SGSH: variants seen among roughly 807,000 people sequenced by gnomAD.
SGSH encodes heparan sulfate sulfatase.
In SGSH, 48 loss-of-function variants were observed where a neutral mutation model predicts 51.0. The ratio of observed to expected loss-of-function variants is 0.94; its 90% CI spans 0.75 to 1.20. The LOEUF (loss-of-function observed/expected upper bound fraction) is 1.20, where lower values mean the gene tolerates loss of function less well. SGSH is among the 50% of genes most tolerant of loss of function. SGSH has a pLI of 0.00. For missense variants in SGSH, 662 were observed against 717.8 expected, an observed-to-expected ratio of 0.92 and a Z score of 0.89; for synonymous variants, 321 against 313.4, an observed-to-expected ratio of 1.02 and a Z score of -0.26.
downstream of SGSH, chr17:80,205,592 A>G (rs1355705178): frequency 6.6e-7 from 1 of 1,526,114 alleles, no homozygotes; most frequent in South Asian, 1.2e-5. Flanking sequence ...TCCAGGAGGG[A>G]GAGGTGTCCG....
At chr17:80,205,283 C>G, downstream of SGSH, 1 of 1,316,462 alleles carries the variant, frequency 7.6e-7, no homozygotes. Flanking sequence ...TCCTTCCTCC[C>G]CTTCCTCCCT....
downstream of SGSH, chr17:80,208,118 C>T (rs545159633): frequency 3.9e-5 from 59 of 1,502,044 alleles, no homozygotes; most frequent in East Asian, 1.0e-4. Flanking sequence ...GCCCGCCCCC[C>T]CCAACTCTGG....
chr17:80,213,998 G>A lies in SGSH; in HGVS notation c.664-113C>T, dbSNP rs941825478. On this transcript the variant is annotated intron_variant, in intron 5 of 7. Coordinates refer to ENST00000326317, the MANE Select transcript of SGSH (RefSeq NM_000199.5). This position sits in a 1 kb window ranked among gnomAD's most constrained non-coding sequence, Gnocchi z 4.6. ...GTTAGCCCAGAACAGCCTCACTCCGGACCACCCCGTCTCTCTACGGTTCTC... is the reference window on the plus strand; with the variant it reads ...GTTAGCCCAGAACAGCCTCACTCCGAACCACCCCGTCTCTCTACGGTTCTC... 6 of 1,315,078 alleles carry A rather than the reference G, an allele frequency of 4.6e-6. No individual in the cohort carries two copies. Among genetic ancestry groups the A allele is most frequent in the African/African-American group, 2.9e-5 (2 of 68,894 alleles). The allele number at this position is 1,315,078 out of a possible 1,614,324, so 81.5% of individuals were successfully genotyped here.
At chr17:80,204,961 T>G, downstream of SGSH, 1 of 1,309,028 alleles carries the variant, frequency 7.6e-7, no homozygotes, top group Non-Finnish European at 1.0e-6. Context: ...GCAGACCCAG[T>G]CCCTCCCGGG....
intron 1 of SGSH, among the ~76,000 whole-genome samples, chr17:80,218,128 C>T (rs1377360828): frequency 5.3e-5 from 8 of 152,250 alleles, no homozygotes; most frequent in African/African-American, 1.2e-4. Flanking sequence ...AGCGGCTGAG[C>T]GCATGGCCAC....
At chr17:80,218,583 A>G (rs1463340615) in intron 1 of SGSH, among the ~76,000 whole-genome samples, 2 of 152,200 alleles carry the variant, frequency 1.3e-5, no homozygotes, top group Non-Finnish European at 2.9e-5. Flanking sequence ...TCCACCCCAC[A>G]GTACCCACAG....
chr17:80,214,730 C>T lies in SGSH; in HGVS notation c.391G>A (p.Val131Met), dbSNP rs370636303. ...IGKKHVGPET[V>M]YPFDFAYTEE... ...GTGTACGCAAAGTCAAACGGGTACACGGTCTCCGGCCCCACGTGCTTCTTC... is the reference window on the plus strand; with the variant it reads ...GTGTACGCAAAGTCAAACGGGTACATGGTCTCCGGCCCCACGTGCTTCTTC... Residue 131 changes from valine (V) to methionine (M), a missense_variant, in exon 4 of 8, where the codon GTG (valine) becomes ATG (methionine). By Grantham distance (21) the Val-to-Met change is conservative (BLOSUM62 1). Transcript: ENST00000326317. 28 of 1,612,764 alleles carry T rather than the reference C, an allele frequency of 1.7e-5. No homozygotes were observed. Among genetic ancestry groups the T allele is most frequent in the Middle Eastern group, 1.6e-4 (1 of 6,084 alleles).
Position 80,210,857 on chromosome 17 carries a change from G to A in SGSH, c.1104C>T (p.His368=), listed in dbSNP as rs111800668. ...GCATGGGGTAGGACATGGTGACCTCGTGGTGGCTCTGGCTGCCAAAGACGG... is the reference window on the plus strand; with the variant it reads ...GCATGGGGTAGGACATGGTGACCTCATGGTGGCTCTGGCTGCCAAAGACGG... ...WATVFGSQSH[H]EVTMSYPMRS... Residue 368 remains histidine, a synonymous_variant, in exon 8 of 8, where the codon CAC becomes CAT. Transcript: ENST00000326317. 80 of 1,613,698 alleles carry A rather than the reference G, an allele frequency of 5.0e-5. No individual in the cohort carries two copies. Among genetic ancestry groups the A allele is most frequent in the African/African-American group, 2.9e-4 (22 of 75,070 alleles).
At chr17:80,211,972 C>T (rs2041684165) in intron 7 of SGSH, 99 bp downstream of exon 7, 2 of 950,052 alleles carry the variant, frequency 2.1e-6, no homozygotes, top group Non-Finnish European at 1.7e-6. Context: ...GATATGAGAG[C>T]CACATTAGGT....
downstream of SGSH, chr17:80,208,149 A>T: frequency 6.5e-7 from 1 of 1,542,898 alleles, no homozygotes; most frequent in Non-Finnish European, 8.8e-7. Context: ...AAGGGCCTAC[A>T]GCGGTTGGGC....
chr17:80,219,905 C>T (rs1340340846), intron 1 of SGSH: 3 of 295,738 alleles, frequency 1.0e-5, no homozygotes, highest in Non-Finnish European at 1.9e-5. Flanking sequence ...CCTCTGGGAT[C>T]CCCTCCCAAG....
At chr17:80,207,420 G>A (rs1048154787), downstream of SGSH, among the ~76,000 whole-genome samples, 9 of 152,102 alleles carry the variant, frequency 5.9e-5, no homozygotes. Context: ...GTGTGGCGGC[G>A]GGCGCCTGTA....
downstream of SGSH, among the ~76,000 whole-genome samples, chr17:80,207,238 C>A (rs547476764): frequency 6.6e-6 from 1 of 152,116 alleles, no homozygotes; most frequent in African/African-American, 2.4e-5. Flanking sequence ...ACAAGGGCCC[C>A]GCTGATTGCT....
intron 2 of SGSH, among the ~76,000 whole-genome samples, chr17:80,215,817 A>G (rs2041870019): frequency 6.6e-6 from 1 of 151,984 alleles, no homozygotes; most frequent in Non-Finnish European, 1.5e-5. Flanking sequence ...AGACTAAAAG[A>G]ACAAGTGTCC....
At position 80,212,511 on chromosome 17, in the gene SGSH, C is replaced by A. The variant is rs540563322; in HGVS notation, c.746-237G>T. The A allele has an allele frequency of 3.1e-3, 1,803 of 577,848 alleles. 6 individuals are homozygous for A. The highest frequency in any genetic ancestry group is 4.2e-3 in the Non-Finnish European group (1,332 of 318,918). The allele number at this position is 577,848 out of a possible 1,614,324, so 35.8% of individuals were successfully genotyped here. A position where few individuals can be genotyped will look rare whatever the true frequency, so the allele number is the denominator to read the frequency against. On this transcript the variant is annotated intron_variant, in intron 6 of 7. Coordinates refer to ENST00000326317, the MANE Select transcript of SGSH (RefSeq NM_000199.5). The surrounding 1 kb of genome is among the most constrained non-coding windows in gnomAD (Gnocchi z 5.9). ...TGGGCCTCCAGGGACTCCAGCCATC[C>A]CTTGGCACTTCTGTGTCACCCCCAG... is the stretch of plus-strand genomic sequence containing the variant.
rs1598772874 is a variant in SGSH at position 80,220,333 on chromosome 17, C to T, written c.-20G>A. On this transcript the variant is annotated 5_prime_UTR_variant, in exon 1 of 8. Transcript: ENST00000326317. ...GCTCATGGCGGCGGCGGCTCGGACT[C>T]GGGATCGGGATCCGGCTCCGGCTCT... 2.7e-6 allele frequency: 4 copies of T among 1,480,358 alleles called. No individual in the cohort carries two copies. The highest frequency in any genetic ancestry group is 3.6e-6 in the Non-Finnish European group (4 of 1,120,990). The allele number at this position is 1,480,358 out of a possible 1,614,324, so 91.7% of individuals were successfully genotyped here. A position where few individuals can be genotyped will look rare whatever the true frequency, so the allele number is the denominator to read the frequency against.
chr17:80,215,290 C>T (rs2041848929), intron 2 of SGSH, 152 bp from the exon 3 acceptor site: 3 of 679,930 alleles, frequency 4.4e-6, no homozygotes, highest in Admixed American at 2.1e-5. Context: ...CTGGCTGTAC[C>T]TCCCACTCCC....
chr17:80,210,081 T>A lies in SGSH; in HGVS notation c.*371A>T, dbSNP rs1598735521. 2 of 1,129,134 alleles carry A rather than the reference T, an allele frequency of 1.8e-6. No homozygotes were observed. Among genetic ancestry groups the A allele is most frequent in the Non-Finnish European group, 2.2e-6 (2 of 916,512 alleles). The allele number at this position is 1,129,134 out of a possible 1,614,324, so 69.9% of individuals were successfully genotyped here. A position where few individuals can be genotyped will look rare whatever the true frequency, so the allele number is the denominator to read the frequency against. On this transcript the variant is annotated 3_prime_UTR_variant, in exon 8 of 8. Coordinates refer to ENST00000326317, the MANE Select transcript of SGSH (RefSeq NM_000199.5). ...CTGAAGAGGGCCTCAGGCCTCCCAT[T>A]TGCAGGTCCCCAAACCAAGCCAGAA...
At chr17:80,200,840 T>A in the SGSH span, 1 of 153,212 alleles carries the variant, frequency 6.5e-6, no homozygotes, top group Admixed American at 6.5e-5. Context: ...AGGAATTAGA[T>A]TCTCATAAGG....
Sources: gnomAD v4.1 joint callset for allele counts (sites outside exome capture counted in the v4.1 genomes callset) on GRCh38, gnomAD v4.1.1 for gene constraint, Gnocchi (gnomAD v3.1) non-coding constraint, MANE v1.5 for transcripts, NCBI Gene and HGNC (gene_info 2026-07-23, HGNC 2026-07-21) for gene names.